Variants in MACROD2 observed in about 807,000 individuals in gnomAD.
MACROD2 encodes mono-ADP ribosylhydrolase 2, also known as ADP-ribose glycohydrolase MACROD2.
MACROD2 carries 36 observed loss-of-function variants against 70.4 expected under a neutral mutation model. The ratio of observed to expected loss-of-function variants is 0.51; its 90% CI spans 0.39 to 0.68. MACROD2 has a LOEUF of 0.68. Ranked by LOEUF, MACROD2 falls within the 30% of genes least tolerant of loss-of-function variation. MACROD2 has a pLI of 0.00. For synonymous variants in MACROD2, 172 were observed against 178.8 expected, an observed-to-expected ratio of 0.96 and a Z score of 0.30; for missense variants, 496 against 538.4, an observed-to-expected ratio of 0.92 and a Z score of 0.78.
chr20:15,017,197 G>A (rs981759648), intron 5 of MACROD2, among the ~76,000 whole-genome samples: 3 of 152,178 alleles, frequency 2.0e-5, no homozygotes, highest in African/African-American at 7.2e-5. Flanking sequence ...GGGGGTACAG[G>A]TATTGGGTAA....
At chr20:14,923,437 T>TA (rs2074188078) in intron 5 of MACROD2, among the ~76,000 whole-genome samples, 1 of 152,130 alleles carries the variant, frequency 6.6e-6, no homozygotes, top group African/African-American at 2.4e-5. Context: ...ACTGACTTTC[T>TA]AATTTATCAC....
intron 3 of MACROD2, among the ~76,000 whole-genome samples, chr20:14,445,143 C>T (rs1224515246): frequency 2.6e-5 from 4 of 152,034 alleles, no homozygotes; most frequent in African/African-American, 7.3e-5. Context: ...CTCCTATTAC[C>T]TTTCTGATGC....
intron 5 of MACROD2, among the ~76,000 whole-genome samples, chr20:15,041,027 T>C (rs939355603): frequency 1.3e-5 from 2 of 152,204 alleles, no homozygotes; most frequent in African/African-American, 4.8e-5. Context: ...GCAATTCAAC[T>C]AATTTACTGG....
intron 6 of MACROD2, among the ~76,000 whole-genome samples, chr20:15,265,143 A>G (rs1479446948): frequency 6.6e-6 from 1 of 152,182 alleles, no homozygotes; most frequent in African/African-American, 2.4e-5. Context: ...ATTGCAAGGA[A>G]GAGGTGCTAA....
chr20:14,586,588 T>C (rs1368830763), intron 4 of MACROD2, among the ~76,000 whole-genome samples: 1 of 152,088 alleles, frequency 6.6e-6, no homozygotes, highest in Non-Finnish European at 1.5e-5. Context: ...TGATTCTGAA[T>C]AAAGATGGTG....
intron 4 of MACROD2, chr20:14,523,368 T>C (rs1225354044): frequency 6.6e-6 from 1 of 152,134 alleles, no homozygotes; most frequent in Non-Finnish European, 1.5e-5. Flanking sequence ...CCTTCTACAA[T>C]TATATTTTCT....
At chr20:14,471,280 G>A (rs940517929) in intron 3 of MACROD2, among the ~76,000 whole-genome samples, 5 of 152,156 alleles carry the variant, frequency 3.3e-5, no homozygotes, top group Admixed American at 2.0e-4. Context: ...CCAATGAGAT[G>A]AGCCAGGTAC....
chr20:14,144,140 T>C (rs2054913405), intron 3 of MACROD2, among the ~76,000 whole-genome samples: 1 of 152,144 alleles, frequency 6.6e-6, no homozygotes. Context: ...TCTTTACTTG[T>C]GCTCTTGGAA....
chr20:15,018,650 G>A (rs2075140223), intron 5 of MACROD2, among the ~76,000 whole-genome samples: 1 of 152,134 alleles, frequency 6.6e-6, no homozygotes, highest in African/African-American at 2.4e-5. Flanking sequence ...GGTTTAGAAT[G>A]TGTATATCCT....
chr20:14,348,278 A>AAT (rs1555784023), intron 3 of MACROD2, among the ~76,000 whole-genome samples: 42 of 144,002 alleles, frequency 2.9e-4, no homozygotes, highest in African/African-American at 9.9e-4. Flanking sequence ...CAAAAAAAAA[A>AAT]AAATAAATAA....
At chr20:14,712,027 A>C (rs932694200) in intron 5 of MACROD2, among the ~76,000 whole-genome samples, 1 of 152,284 alleles carries the variant, frequency 6.6e-6, no homozygotes, top group Admixed American at 6.5e-5. Flanking sequence ...TCTTTAAAAT[A>C]ACAATAATAA....
At chr20:14,499,760 T>C (rs1221615238) in intron 4 of MACROD2, among the ~76,000 whole-genome samples, 1 of 151,940 alleles carries the variant, frequency 6.6e-6, no homozygotes, top group African/African-American at 2.4e-5. Context: ...CCCTCCTGCC[T>C]CCCTTCCTTC....
At chr20:14,625,327 CAAAAAAAAGAAG>C (rs111516189) in intron 4 of MACROD2, among the ~76,000 whole-genome samples, 6 of 148,454 alleles carry the variant, frequency 4.0e-5, no homozygotes, top group African/African-American at 1.5e-4. Context: ...AACTCAGTCT[CAAAAAAAAGAAG>C]AAAAAAAAGA....
intron 5 of MACROD2, among the ~76,000 whole-genome samples, chr20:14,994,506 A>C (rs751904150): frequency 3.7e-4 from 56 of 152,140 alleles, no homozygotes; most frequent in Non-Finnish European, 6.5e-4. Flanking sequence ...CCCAGTCAAA[A>C]AGCAGAGCAG....
At chr20:14,889,394 A>G (rs1490773962) in intron 5 of MACROD2, among the ~76,000 whole-genome samples, 1 of 152,106 alleles carries the variant, frequency 6.6e-6, no homozygotes, top group Non-Finnish European at 1.5e-5. Context: ...AGAATGCTTG[A>G]AACTAACTAC....
intron 5 of MACROD2, among the ~76,000 whole-genome samples, chr20:14,766,016 C>T (rs77024883): frequency 6.6e-6 from 1 of 152,214 alleles, no homozygotes; most frequent in East Asian, 1.9e-4. Flanking sequence ...TTCTCTGCCC[C>T]TTCAAATCTA....
rs116137448 is a variant in MACROD2, at chr20:15,550,766, T to A, written c.645+50919T>A. On this transcript the variant is annotated intron_variant, in intron 8 of 17. Coordinates refer to ENST00000684519, the MANE Select transcript of MACROD2 (RefSeq NM_001351661.2). ...GTAGCACAACAGGCACTGGGCTAAA[T>A]GATTGTACATGGATTTTCTCCTTTA... is the stretch of plus-strand genomic sequence containing the variant. 2.1e-3 allele frequency among the ~76,000 whole-genome samples: 324 copies of A among 152,290 alleles called. 2 individuals carry two copies. Among genetic ancestry groups the A allele is most frequent in the African/African-American group, 7.5e-3 (311 of 41,564 alleles).
chr20:14,660,098 A>G (rs1448464814), intron 4 of MACROD2, among the ~76,000 whole-genome samples: 1 of 152,202 alleles, frequency 6.6e-6, no homozygotes, highest in African/African-American at 2.4e-5. Flanking sequence ...GTTTAAAAGC[A>G]TATTGATAAA....
At chr20:14,072,671 C>T (rs1055530941) in intron 2 of MACROD2, among the ~76,000 whole-genome samples, 2 of 152,164 alleles carry the variant, frequency 1.3e-5, no homozygotes, top group Admixed American at 1.3e-4. Context: ...CGCAGTGGCT[C>T]ACACCTGTAT....
Sources: allele counts gnomAD v4.1 joint callset (sites outside exome capture counted in the v4.1 genomes callset), GRCh38; gene constraint gnomAD v4.1.1; transcripts MANE v1.5; gene names NCBI Gene and HGNC (gene_info 2026-07-23, HGNC 2026-07-21).